NAALADL2: variants seen among roughly 807,000 people sequenced by gnomAD.
NAALADL2 encodes the protein N-acetylated alpha-linked acidic dipeptidase like 2.
A neutral mutation model predicts 87.2 loss-of-function variants in NAALADL2; 76 were observed. The observed-to-expected ratio is 0.87, with a 90% CI of 0.72 to 1.05. The LOEUF is 1.05. NAALADL2 is among the 50% of genes least tolerant of loss of function. The probability of loss-of-function intolerance (pLI) is 0.00; values close to 1 mark genes in which losing one functional copy is unlikely to be tolerated. For missense variants in NAALADL2, 1,089 were observed against 945.8 expected (o/e 1.15, Z -1.99); for synonymous variants, 354 against 331.0 (o/e 1.07, Z -0.75).
At chr3:175,201,079 T>C (rs1461278) in intron 2 of NAALADL2, among the ~76,000 whole-genome samples, 56,227 of 151,746 alleles carry the variant, frequency 0.37, 11,538 homozygotes, top group East Asian at 0.53. Flanking sequence ...CACTCCATTC[T>C]TTTCTCTCTC....
chr3:174,818,260 A>C (rs552423598), intron 3 of NAALADL2, among the ~76,000 whole-genome samples: 1 of 152,298 alleles, frequency 6.6e-6, no homozygotes. Flanking sequence ...AAGATGGTCA[A>C]ACATTCCTGG....
intron 2 of NAALADL2, among the ~76,000 whole-genome samples, chr3:175,142,534 G>A (rs1162263958): frequency 1.3e-5 from 2 of 151,972 alleles, no homozygotes; most frequent in African/African-American, 2.4e-5. Context: ...CTCCTAAAGA[G>A]CAGGACTCAG....
intron 1 of NAALADL2, among the ~76,000 whole-genome samples, chr3:174,935,545 C>T (rs1458793734): frequency 6.6e-6 from 1 of 152,030 alleles, no homozygotes; most frequent in African/African-American, 2.4e-5. Flanking sequence ...GATGGAGGGG[C>T]AATAGTACTG....
chr3:175,191,259 TAAA>T (rs1424884422), intron 2 of NAALADL2, among the ~76,000 whole-genome samples: 3 of 152,094 alleles, frequency 2.0e-5, no homozygotes, highest in African/African-American at 7.2e-5. Flanking sequence ...ATTATTTTTT[TAAA>T]AAATCCCAAA....
intron 3 of NAALADL2, among the ~76,000 whole-genome samples, chr3:174,804,413 CAG>C (rs1424487954): frequency 6.6e-6 from 1 of 152,170 alleles, no homozygotes; most frequent in Non-Finnish European, 1.5e-5. Flanking sequence ...CGTCTGCAAA[CAG>C]AGACAATTTG....
intron 1 of NAALADL2, among the ~76,000 whole-genome samples, chr3:174,928,610 T>G (rs1183823674): frequency 6.6e-6 from 1 of 152,220 alleles, no homozygotes; most frequent in Non-Finnish European, 1.5e-5. Context: ...ATATACAACT[T>G]TATTTTCAGA....
rs181332289 is a variant in NAALADL2, at chr3:174,953,871, A to C, written c.43+94421A>C. 2.5e-3 allele frequency among the ~76,000 whole-genome samples: 386 copies of C among 152,154 alleles called. 5 individuals carry two copies. Among genetic ancestry groups the C allele is most frequent in the African/African-American group, 8.8e-3 (366 of 41,524 alleles). On this transcript the variant is annotated intron_variant, in intron 1 of 13. Transcript: ENST00000454872. ...TTTTTTCTCATCTAAAACCAAACAC[A>C]TACAGAAACACACATGACATACACT...
At chr3:174,653,464 T>C (rs1724589066) in intron 2 of NAALADL2, among the ~76,000 whole-genome samples, 3 of 152,232 alleles carry the variant, frequency 2.0e-5, no homozygotes, top group African/African-American at 7.2e-5. Context: ...CAAAGATTTC[T>C]ATCCTTTGGG....
chr3:175,409,122 A>G (rs1489667886), intron 5 of NAALADL2, among the ~76,000 whole-genome samples: 1 of 151,882 alleles, frequency 6.6e-6, no homozygotes, highest in Non-Finnish European at 1.5e-5. Flanking sequence ...TCTTTTCCAC[A>G]TGAACTCTAG....
At chr3:175,672,881 C>G (rs1226206179) in intron 11 of NAALADL2, among the ~76,000 whole-genome samples, 1 of 152,054 alleles carries the variant, frequency 6.6e-6, no homozygotes, top group East Asian at 1.9e-4. Flanking sequence ...TAAGGCTATT[C>G]TGAGGAATGT....
intron 1 of NAALADL2, among the ~76,000 whole-genome samples, chr3:175,024,706 A>G (rs1276484994): frequency 1.3e-5 from 2 of 148,882 alleles, no homozygotes; most frequent in Non-Finnish European, 3.0e-5. Context: ...GAAAAAGAGC[A>G]GTAATTATCT....
intron 1 of NAALADL2, among the ~76,000 whole-genome samples, chr3:174,940,716 A>C (rs981060567): frequency 5.9e-5 from 9 of 152,074 alleles, no homozygotes; most frequent in African/African-American, 2.2e-4. Flanking sequence ...TGATCAGGGA[A>C]TTAATTTCTT....
chr3:174,699,575 T>A (rs1404148423), intron 2 of NAALADL2, among the ~76,000 whole-genome samples: 1 of 152,198 alleles, frequency 6.6e-6, no homozygotes, highest in Admixed American at 6.5e-5. Context: ...CTCAGTTTGA[T>A]ATTTAATTTG....
intron 3 of NAALADL2, among the ~76,000 whole-genome samples, chr3:174,769,051 G>T (rs974901393): frequency 9.9e-5 from 15 of 151,712 alleles, no homozygotes; most frequent in Non-Finnish European, 1.8e-4. Context: ...TAAAATAGAA[G>T]CAGTTAAATA....
chr3:175,157,767 A>C (rs1732540970), intron 2 of NAALADL2, among the ~76,000 whole-genome samples: 1 of 152,092 alleles, frequency 6.6e-6, no homozygotes, highest in African/African-American at 2.4e-5. Context: ...ATCTCGTAGA[A>C]CAGTGTCTAT....
chr3:175,093,905 G>T (rs1205983524), intron 1 of NAALADL2, among the ~76,000 whole-genome samples: 8 of 151,928 alleles, frequency 5.3e-5, no homozygotes, highest in Non-Finnish European at 8.8e-5. Context: ...GATGTTTGAA[G>T]ACCGTTAAAT....
At chr3:174,805,955 C>G (rs1172052777) in intron 3 of NAALADL2, among the ~76,000 whole-genome samples, 2 of 152,122 alleles carry the variant, frequency 1.3e-5, no homozygotes, top group African/African-American at 4.8e-5. Context: ...ATTAAGCTAA[C>G]TTTGTTCTTG....
chr3:174,916,701 T>A (rs1734457890), intron 1 of NAALADL2, among the ~76,000 whole-genome samples: 1 of 151,956 alleles, frequency 6.6e-6, no homozygotes, highest in African/African-American at 2.4e-5. Flanking sequence ...TAATGGACTT[T>A]GGGGACTTGA....
intron 2 of NAALADL2, among the ~76,000 whole-genome samples, chr3:175,203,427 T>C (rs1215404133): frequency 6.6e-6 from 1 of 152,152 alleles, no homozygotes; most frequent in African/African-American, 2.4e-5. Flanking sequence ...AGTGGGGGGA[T>C]GTGTATTTGG....
Sources: gnomAD v4.1 joint callset for allele counts (sites outside exome capture counted in the v4.1 genomes callset) on GRCh38, gnomAD v4.1.1 for gene constraint, MANE v1.5 for transcripts, NCBI Gene and HGNC (gene_info 2026-07-23, HGNC 2026-07-21) for gene names.